Variants in MACROD2 observed in about 807,000 individuals in gnomAD.
MACROD2 encodes the protein mono-ADP ribosylhydrolase 2.
A neutral mutation model predicts 70.4 loss-of-function variants in MACROD2; 36 were observed. That is an observed-to-expected ratio of 0.51 (90% CI 0.39 to 0.68). MACROD2 has a LOEUF of 0.68. Ranked by LOEUF, MACROD2 falls within the 30% of genes least tolerant of loss-of-function variation. The probability of loss-of-function intolerance (pLI) is 0.00; values close to 1 mark genes in which losing one functional copy is unlikely to be tolerated. For synonymous variants in MACROD2, 172 were observed against 178.8 expected (o/e 0.96, Z 0.30); for missense variants, 496 against 538.4 (o/e 0.92, Z 0.78).
chr20:14,462,489 G>A (rs1047658631), intron 3 of MACROD2, among the ~76,000 whole-genome samples: 15 of 152,130 alleles, frequency 9.9e-5, no homozygotes, highest in African/African-American at 1.4e-4. Context: ...TAGGTTGCCT[G>A]TTCACTCTGA....
At chr20:15,264,253 G>A (rs2077273414) in intron 6 of MACROD2, among the ~76,000 whole-genome samples, 1 of 152,250 alleles carries the variant, frequency 6.6e-6, no homozygotes, top group African/African-American at 2.4e-5. Context: ...ATTTTGAGAA[G>A]ATCCAGAATG....
chr20:14,166,938 A>T (rs4814286), intron 3 of MACROD2, among the ~76,000 whole-genome samples: 151,369 of 152,338 alleles, frequency 0.99, 75,212 homozygotes, highest in East Asian at 1. Flanking sequence ...TGCCTTATAT[A>T]CTCTGTAGTT....
At position 15,409,711 on chromosome 20, in the gene MACROD2, C is replaced by CAAG. The variant is rs2046051237; in HGVS notation, c.541-21693_541-21692insAGA. Among the ~76,000 whole-genome samples the CAAG allele has an allele frequency of 3.9e-5, 6 of 152,180 alleles. No homozygotes were observed. In the South Asian group the frequency reaches 1.0e-3, roughly 26 times the overall value. Reference sequence around the variant, plus strand: ...TAAACAAGTTCCTAGAGGAGGGCTCCATCCCCTTGGGATTCTTCTGATGGA... The same window carrying CAAG: ...TAAACAAGTTCCTAGAGGAGGGCTCCAAGATCCCCTTGGGATTCTTCTGATGGA... On this transcript the variant is annotated intron_variant, in intron 6 of 17. Transcript: ENST00000684519.
chr20:15,676,473 T>A (rs2050059097), intron 8 of MACROD2, among the ~76,000 whole-genome samples: 1 of 152,220 alleles, frequency 6.6e-6, no homozygotes. Context: ...CCACATCTAT[T>A]TGCAGATTGG....
At chr20:15,793,953 TATATA>T (rs1314802401) in intron 8 of MACROD2, among the ~76,000 whole-genome samples, 1 of 148,460 alleles carries the variant, frequency 6.7e-6, no homozygotes, top group Non-Finnish European at 1.5e-5. Context: ...AGATATTTTA[TATATA>T]ATATATTTAA....
At chr20:14,350,153 A>C (rs185337652) in intron 3 of MACROD2, among the ~76,000 whole-genome samples, 10 of 152,250 alleles carry the variant, frequency 6.6e-5, no homozygotes, top group Non-Finnish European at 1.5e-4. Context: ...GGTTGCTTCC[A>C]AATCTTGGTT....
intron 5 of MACROD2, among the ~76,000 whole-genome samples, chr20:15,001,866 A>T (rs1012298241): frequency 6.6e-6 from 1 of 151,636 alleles, no homozygotes; most frequent in Non-Finnish European, 1.5e-5. Context: ...ACTCCCTCTC[A>T]TCCTTTCCCC....
At chr20:14,573,160 G>C (rs139801691) in intron 4 of MACROD2, among the ~76,000 whole-genome samples, 1 of 152,072 alleles carries the variant, frequency 6.6e-6, no homozygotes, top group East Asian at 1.9e-4. Flanking sequence ...TTGAGTTCTA[G>C]CTCTCTCCTT....
At chr20:15,995,499 G>A (rs1340075238) in intron 15 of MACROD2, among the ~76,000 whole-genome samples, 5 of 150,796 alleles carry the variant, frequency 3.3e-5, no homozygotes, top group South Asian at 4.2e-4. Context: ...ACAGGCGCCC[G>A]CCACCGTGCC....
chr20:14,740,426 A>T (rs545184245), intron 5 of MACROD2, among the ~76,000 whole-genome samples: 1 of 152,270 alleles, frequency 6.6e-6, no homozygotes, highest in African/African-American at 2.4e-5. Flanking sequence ...TTTTCCTACT[A>T]GTTTTCTTTT....
At chr20:14,197,690 C>G (rs1324185246) in intron 3 of MACROD2, among the ~76,000 whole-genome samples, 1 of 151,866 alleles carries the variant, frequency 6.6e-6, no homozygotes, top group African/African-American at 2.4e-5. Context: ...TTGCTTGAAC[C>G]TGGTAAGTGG....
At chr20:14,065,165 A>T (rs2053740984) in intron 2 of MACROD2, among the ~76,000 whole-genome samples, 1 of 151,988 alleles carries the variant, frequency 6.6e-6, no homozygotes, top group Non-Finnish European at 1.5e-5. Flanking sequence ...AAAGCTATAG[A>T]CTTCCATTCC....
intron 4 of MACROD2, among the ~76,000 whole-genome samples, chr20:14,602,585 A>G (rs1201451792): frequency 6.6e-6 from 1 of 152,186 alleles, no homozygotes; most frequent in Admixed American, 6.5e-5. Flanking sequence ...GAACACTGAC[A>G]TTTTATTGCC....
At chr20:15,507,944 G>C (rs573657030) in intron 8 of MACROD2, among the ~76,000 whole-genome samples, 1 of 152,312 alleles carries the variant, frequency 6.6e-6, no homozygotes, top group East Asian at 1.9e-4. Flanking sequence ...GCCAGTGATG[G>C]GGAGGGCTCT....
chr20:15,826,722 A>T (rs1306920733), intron 8 of MACROD2, among the ~76,000 whole-genome samples: 1 of 152,248 alleles, frequency 6.6e-6, no homozygotes, highest in Non-Finnish European at 1.5e-5. Context: ...ATGAAGAGGA[A>T]AATGTGTCTG....
intron 4 of MACROD2, among the ~76,000 whole-genome samples, chr20:14,570,064 T>A (rs2423824): frequency 1.3e-5 from 2 of 151,792 alleles, no homozygotes; most frequent in Non-Finnish European, 2.9e-5. Context: ...CATCAACATG[T>A]GCAAGAATGT....
intron 12 of MACROD2, among the ~76,000 whole-genome samples, chr20:15,953,440 T>C (rs1186643955): frequency 2.0e-5 from 3 of 152,282 alleles, no homozygotes; most frequent in South Asian, 4.1e-4. Context: ...CTGATCACTC[T>C]ATATTATACG....
chr20:15,085,707 A>T (rs2075741798), intron 5 of MACROD2, among the ~76,000 whole-genome samples: 1 of 152,032 alleles, frequency 6.6e-6, no homozygotes, highest in African/African-American at 2.4e-5. Flanking sequence ...ATTCTTATTG[A>T]TTCCTTTGGT....
chr20:14,321,493 A>G (rs1294537718), intron 3 of MACROD2, among the ~76,000 whole-genome samples: 1 of 152,230 alleles, frequency 6.6e-6, no homozygotes, highest in Non-Finnish European at 1.5e-5. Context: ...GTCCCAAAAC[A>G]AAAAGTACGG....
Sources: allele counts gnomAD v4.1 joint callset (sites outside exome capture counted in the v4.1 genomes callset), GRCh38; gene constraint gnomAD v4.1.1; transcripts MANE v1.5; gene names NCBI Gene and HGNC (gene_info 2026-07-23, HGNC 2026-07-21).